TRANK1: variants seen among roughly 807,000 people sequenced by gnomAD.
TRANK1 encodes the protein tetratricopeptide repeat and ankyrin repeat containing 1.
Under a neutral mutation model 266.0 loss-of-function variants are expected in TRANK1, and 198 were observed. The observed-to-expected ratio is 0.74, with a 90% confidence interval of 0.66 to 0.84. The LOEUF (loss-of-function observed/expected upper bound fraction) is 0.84. TRANK1 is among the 40% of genes least tolerant of loss of function. The pLI is 0.00. For missense variants in TRANK1, 3,326 were observed against 3,634.6 expected, an observed-to-expected ratio of 0.92 and a Z score of 2.18; for synonymous variants, 1,396 against 1,384.1, an observed-to-expected ratio of 1.01 and a Z score of -0.19.
In TRANK1 at chr3:36,828,147, T is replaced by A. The variant is rs1321191813; in HGVS notation, c.*128A>T. On this transcript the variant is annotated 3_prime_UTR_variant, in exon 24 of 24. Coordinates refer to ENST00000645898, the MANE Select transcript of TRANK1 (RefSeq NM_001329998.2). ...GAGAAGTAATGAGAATAAAAAGCAA[T>A]GGTGTTGTTAGACTCCCCTATTTTT... The A allele has an allele frequency of 1.5e-6, 1 of 667,076 alleles. No homozygotes were observed. The highest frequency in any genetic ancestry group is 1.8e-5 in the African/African-American group (1 of 55,062). 41.3% of individuals were successfully genotyped at this position (667,076 alleles called of 1,614,324 possible).
intron 6 of TRANK1, 95 bp downstream of exon 6, chr3:36,892,806 C>T (rs551521820): frequency 2.3e-4 from 98 of 427,722 alleles, no homozygotes; most frequent in East Asian, 2.9e-4. Context: ...CCAGCCTGGG[C>T]GAAAGGGCGA....
chr3:36,900,851 C>CAAAAACAAAAAAAAAAAAAAAAAAAAAA (rs2079865956), intron 3 of TRANK1, among the ~76,000 whole-genome samples: 1 of 63,008 alleles, frequency 1.6e-5, no homozygotes, highest in Non-Finnish European at 3.3e-5. Flanking sequence ...GACCCTGTCT[C>CAAAAACAAAAAAAAAAAAAAAAAAAAAA]AAAAAAAAAA....
intron 8 of TRANK1, among the ~76,000 whole-genome samples, chr3:36,878,003 C>A (rs922043373): frequency 6.6e-6 from 1 of 151,722 alleles, no homozygotes; most frequent in East Asian, 1.9e-4. Flanking sequence ...AAAGAAAAAA[C>A]ATGCGAGTCA....
chr3:36,843,810 A>T (rs1447068786), intron 17 of TRANK1, among the ~76,000 whole-genome samples: 1 of 152,200 alleles, frequency 6.6e-6, no homozygotes, highest in Non-Finnish European at 1.5e-5. Flanking sequence ...CACGTTAAGC[A>T]TCACAACCTG....
At position 36,860,922 on chromosome 3, in the gene TRANK1, G is replaced by A; in HGVS notation, c.1479C>T (p.Cys493=). The A allele has an allele frequency of 6.5e-7, 1 of 1,537,372 alleles. No homozygotes were observed. The highest frequency in any genetic ancestry group is 1.2e-5 in the South Asian group (1 of 84,052). ...CACTCTCACCTCCACTGTCTATCAGGCAGCCCAGAAGCTGTTTCTTCCGCT... is the reference window on the plus strand; with the variant it reads ...CACTCTCACCTCCACTGTCTATCAGACAGCCCAGAAGCTGTTTCTTCCGCT... The part of the protein sequence containing the change: ...WDQRKKQLLG[C]LIDSGALPDG... The change falls in exon 11 of 24, where the codon TGC becomes TGT. Residue 493 remains cysteine, a synonymous_variant. Transcript: ENST00000645898.
Position 36,855,444 on chromosome 3 carries a change from C to T in TRANK1, c.4278G>A (p.Val1426=). 2 of 1,613,994 alleles carry T rather than the reference C, an allele frequency of 1.2e-6. No homozygotes were observed. Among genetic ancestry groups the T allele is most frequent in the Non-Finnish European group, 8.5e-7 (1 of 1,179,892 alleles). The change falls in exon 13 of 24, where the codon GTG becomes GTA. Residue 1426 remains valine (V), a synonymous_variant. Coordinates refer to ENST00000645898, the MANE Select transcript of TRANK1 (RefSeq NM_001329998.2). ...AGAGCTCGTGGATGGACCATGGGAGCACCCTGAGCTTCGACAGCCTCCGGG... is the reference window on the plus strand; with the variant it reads ...AGAGCTCGTGGATGGACCATGGGAGTACCCTGAGCTTCGACAGCCTCCGGG... ...NISRRLSKLR[V]LPWSIHELYG... is the part of the protein sequence containing the mutation.
chr3:36,898,137 G>C (rs1193132193), intron 4 of TRANK1, among the ~76,000 whole-genome samples: 1 of 152,160 alleles, frequency 6.6e-6, no homozygotes, highest in Non-Finnish European at 1.5e-5. Flanking sequence ...TTTCTCAATA[G>C]ACTGGAAAAA....
chr3:36,850,802 C>G, intron 15 of TRANK1: 1 of 985,366 alleles, frequency 1.0e-6, no homozygotes, highest in Non-Finnish European at 1.2e-6. Flanking sequence ...AGGACTCTAT[C>G]TAAAGGGTCA....
chr3:36,875,909 G>A (rs1194619035), intron 8 of TRANK1, among the ~76,000 whole-genome samples: 1 of 152,196 alleles, frequency 6.6e-6, no homozygotes, highest in East Asian at 1.9e-4. Context: ...GAAATGTTGG[G>A]AGGACGTCAT....
intron 10 of TRANK1, 142 bp downstream of exon 10, chr3:36,864,177 G>C (rs1194933005): frequency 1.0e-6 from 1 of 952,730 alleles, no homozygotes; most frequent in African/African-American, 1.7e-5. Flanking sequence ...TTACACCAAA[G>C]AATGCTCTGT....
Position 36,832,250 on chromosome 3 carries a change from G to C in TRANK1, c.7333C>G (p.Leu2445Val). The change falls in exon 22 of 24, where the codon CTC becomes GTC. Residue 2445 changes from leucine (L) to valine (V), a missense_variant. Transcript: ENST00000645898. The part of the protein sequence containing the change: ...NVLIKRCKEP[L>V]IPSIGNTVAL... ...ACTGTGTTTCCAATGCTGGGGATGA[G>C]TGGTTCTTTGCACCTCTTGATGAGG... is the stretch of plus-strand genomic sequence containing the variant. The C allele has an allele frequency of 6.2e-7, 1 of 1,613,998 alleles. No individual in the cohort carries two copies. The highest frequency in any genetic ancestry group is 1.3e-5 in the African/African-American group (1 of 75,040).
chr3:36,838,174 C>A (rs2078795062), intron 20 of TRANK1, among the ~76,000 whole-genome samples, 198 bp downstream of exon 20: 1 of 152,220 alleles, frequency 6.6e-6, no homozygotes, highest in African/African-American at 2.4e-5. Flanking sequence ...CACACACGCA[C>A]ATGCATACTG....
rs1239467021 is a variant in TRANK1 at position 36,944,934 on chromosome 3, T to C, written c.-125A>G. 2.0e-5 allele frequency: 21 copies of C among 1,047,486 alleles called. 1 individual carries two copies. In the East Asian group the frequency reaches 2.3e-4, roughly 12 times the overall value. 64.9% of individuals were successfully genotyped at this position (1,047,486 alleles called of 1,614,324 possible). A position where few individuals can be genotyped will look rare whatever the true frequency, so the allele number is the denominator to read the frequency against. ...GGAGCCCGGGGCAGGGGCGGCGCGA[T>C]GCAGAGGCGGCGTTCGGGGGCCCCC... On this transcript the variant is annotated 5_prime_UTR_variant, in exon 1 of 24. Coordinates refer to ENST00000645898, the MANE Select transcript of TRANK1 (RefSeq NM_001329998.2).
At chr3:36,942,848 T>G (rs567479467) in intron 1 of TRANK1, among the ~76,000 whole-genome samples, 1 of 145,198 alleles carries the variant, frequency 6.9e-6, no homozygotes, top group African/African-American at 2.5e-5. Flanking sequence ...GGTCATAAAG[T>G]GAAGTTAACA....
rs372707425 is a variant in TRANK1, at chr3:36,864,446, G to A, written c.1113C>T (p.Asn371=). The A allele has an allele frequency of 9.0e-5, 139 of 1,536,106 alleles. No individual in the cohort carries two copies. The highest frequency in any genetic ancestry group is 3.4e-4 in the Admixed American group (17 of 50,738). Reference sequence around the variant, plus strand: ...GCTCCAAGACCTTCCTGAAAATGTCGTTTTCACTAGTGGGTCCATCACCAT... The same window carrying A: ...GCTCCAAGACCTTCCTGAAAATGTCATTTTCACTAGTGGGTCCATCACCAT... ...FSNGDGPTSE[N]DIFRKVLEQL... is the part of the protein sequence containing the mutation. Residue 371 remains asparagine (N), a synonymous_variant, in exon 10 of 24, where the codon AAC becomes AAT. Transcript: ENST00000645898.
At chr3:36,849,438 A>T (rs1367204380) in intron 15 of TRANK1, among the ~76,000 whole-genome samples, 2 of 152,326 alleles carry the variant, frequency 1.3e-5, no homozygotes, top group South Asian at 4.1e-4. Context: ...ATGTGGTTCA[A>T]CAGGTAACAA....
In TRANK1 at chr3:36,908,436, G is replaced by A. The variant is rs372729588; in HGVS notation, c.42C>T (p.Tyr14=). 13 of 1,232,110 alleles carry A rather than the reference G, an allele frequency of 1.1e-5. No individual in the cohort carries two copies. Among genetic ancestry groups the A allele is most frequent in the Non-Finnish European group, 1.1e-5 (11 of 988,006 alleles). 76.3% of individuals were successfully genotyped at this position (1,232,110 alleles called of 1,614,324 possible). ...TGCCGGATTCTTTCAGCAGCTCAGCGTAAGCTGTCAGGTCCATCCTGTGAG... is the reference window on the plus strand; with the variant it reads ...TGCCGGATTCTTTCAGCAGCTCAGCATAAGCTGTCAGGTCCATCCTGTGAG... ...PRAARMDLTA[Y]AELLKESGNQ... Residue 14 remains tyrosine (Y), a synonymous_variant, in exon 2 of 24, where the codon TAC becomes TAT. Transcript: ENST00000645898.
intron 8 of TRANK1, among the ~76,000 whole-genome samples, chr3:36,879,773 TATATATAAATATGTAAATATATAA>T (rs2079465818): frequency 1.6e-5 from 1 of 64,206 alleles, no homozygotes; most frequent in African/African-American, 6.2e-5. Context: ...TATATATAAA[TATATATAAATATGTAAATATATAA>T]ATATACAAAT....
At position 36,899,269 on chromosome 3, in the gene TRANK1, G is replaced by A; in HGVS notation, c.283-10C>T. 2.0e-6 allele frequency: 3 copies of A among 1,535,790 alleles called. No individual in the cohort carries two copies. The highest frequency in any genetic ancestry group is 1.2e-5 in the South Asian group (1 of 83,846). ...CAGCTCGGTAGTATCCCTGGAACAGGATAAAAAGCAAAACTGTCATGTACC... is the reference window on the plus strand; with the variant it reads ...CAGCTCGGTAGTATCCCTGGAACAGAATAAAAAGCAAAACTGTCATGTACC... On this transcript the variant is annotated splice_polypyrimidine_tract_variant and intron_variant, in intron 3 of 23. Transcript: ENST00000645898.
Sources: allele counts gnomAD v4.1 joint callset (sites outside exome capture counted in the v4.1 genomes callset), GRCh38; gene constraint gnomAD v4.1.1; transcripts MANE v1.5; gene names NCBI Gene and HGNC (gene_info 2026-07-23, HGNC 2026-07-21).